DOCK5: variants seen among roughly 807,000 people sequenced by gnomAD.
DOCK5 encodes the protein dedicator of cytokinesis 5.
DOCK5 carries 142 observed loss-of-function variants against 251.8 expected under a neutral mutation model. That is an observed-to-expected ratio of 0.56 (90% CI 0.49 to 0.65). The LOEUF (loss-of-function observed/expected upper bound fraction) is 0.65, where lower values mean the gene tolerates loss of function less well. DOCK5 is among the 30% of genes least tolerant of loss of function. The probability of loss-of-function intolerance (pLI) is 0.00; values close to 1 mark genes in which losing one functional copy is unlikely to be tolerated. For synonymous variants in DOCK5, 842 were observed against 835.5 expected, an observed-to-expected ratio of 1.01 and a Z score of -0.13; for missense variants, 2,111 against 2,312.3, an observed-to-expected ratio of 0.91 and a Z score of 1.79.
chr8:25,204,411 T>G (rs1415810582), intron 1 of DOCK5, among the ~76,000 whole-genome samples: 1 of 152,164 alleles, frequency 6.6e-6, no homozygotes, highest in Non-Finnish European at 1.5e-5. Flanking sequence ...TCTCTTTAGC[T>G]TAGTTTTTCC....
intron 29 of DOCK5, among the ~76,000 whole-genome samples, chr8:25,363,620 A>G (rs987815576): frequency 6.6e-6 from 1 of 152,262 alleles, no homozygotes; most frequent in East Asian, 1.9e-4. Context: ...TTATCAGGAT[A>G]TACTCCTAAA....
At chr8:25,353,766 G>A (rs1487634239) in intron 27 of DOCK5, among the ~76,000 whole-genome samples, 5 of 152,114 alleles carry the variant, frequency 3.3e-5, no homozygotes, top group Non-Finnish European at 1.5e-5. Context: ...GCTCATGCCT[G>A]TAATATCAGC....
intron 42 of DOCK5, among the ~76,000 whole-genome samples, chr8:25,390,579 G>C (rs912946081): frequency 7.2e-5 from 11 of 152,144 alleles, no homozygotes; most frequent in African/African-American, 2.7e-4. Context: ...TAATACAAAG[G>C]GATGTGGGGG....
chr8:25,283,190 G>C (rs913622302), intron 5 of DOCK5, among the ~76,000 whole-genome samples: 1 of 152,140 alleles, frequency 6.6e-6, no homozygotes, highest in African/African-American at 2.4e-5. Flanking sequence ...ATCCAAAATG[G>C]AGAGAACAGA....
chr8:25,184,738 A>G lies in DOCK5; in HGVS notation c.-171A>G, dbSNP rs1297268726. The G allele has an allele frequency of 1.0e-5, 4 of 400,564 alleles. No individual in the cohort carries two copies. Among genetic ancestry groups the G allele is most frequent in the East Asian group, 1.2e-4 (2 of 16,440 alleles). 24.8% of individuals were successfully genotyped at this position (400,564 alleles called of 1,614,324 possible). On this transcript the variant is annotated 5_prime_UTR_variant, in exon 1 of 52. Transcript: ENST00000276440. ...GCAGGTGACCGCGGGCGGCGCGGGC[A>G]CGGGCACGGGCGCGGGCGGCGCGGC...
intron 1 of DOCK5, among the ~76,000 whole-genome samples, chr8:25,198,118 CTT>C (rs1801781171): frequency 6.6e-6 from 1 of 152,210 alleles, no homozygotes; most frequent in Admixed American, 6.5e-5. Flanking sequence ...GAAAATAACT[CTT>C]TGCTGACTCA....
intron 18 of DOCK5, among the ~76,000 whole-genome samples, chr8:25,329,644 C>G (rs1342406442): frequency 6.6e-6 from 1 of 151,986 alleles, no homozygotes; most frequent in East Asian, 1.9e-4. Flanking sequence ...TCCTGATGCC[C>G]CAGAAATCCC....
At chr8:25,403,103 G>A (rs977159480) in intron 47 of DOCK5, among the ~76,000 whole-genome samples, 3 of 152,124 alleles carry the variant, frequency 2.0e-5, no homozygotes, top group African/African-American at 7.2e-5. Flanking sequence ...TAATCCTACT[G>A]GTGACATTTC....
intron 1 of DOCK5, among the ~76,000 whole-genome samples, chr8:25,235,799 CTTTTTTT>C (rs924321586): frequency 3.1e-4 from 40 of 128,598 alleles, no homozygotes; most frequent in African/African-American, 6.8e-4. Context: ...TTTTCTTTTC[CTTTTTTT>C]TTTTTTTTTT....
At chr8:25,195,935 C>T (rs1801714309) in intron 1 of DOCK5, among the ~76,000 whole-genome samples, 1 of 152,206 alleles carries the variant, frequency 6.6e-6, no homozygotes, top group Non-Finnish European at 1.5e-5. Flanking sequence ...ATACTGACCC[C>T]ATCATCTCTT....
intron 14 of DOCK5, among the ~76,000 whole-genome samples, chr8:25,318,078 C>CT (rs985841743): frequency 3.2e-4 from 49 of 151,876 alleles, no homozygotes; most frequent in African/African-American, 1.1e-3. Flanking sequence ...CTTTTCTTTT[C>CT]TTTCTTTTGT....
chr8:25,201,016 T>C (rs9771783), intron 1 of DOCK5, among the ~76,000 whole-genome samples: 130,170 of 151,982 alleles, frequency 0.86, 56,047 homozygotes, highest in Non-Finnish European at 0.87. Context: ...AAACAATTCT[T>C]CTGCCTCAGC....
At chr8:25,301,228 G>C (rs1804751971) in intron 9 of DOCK5, among the ~76,000 whole-genome samples, 1 of 152,196 alleles carries the variant, frequency 6.6e-6, no homozygotes, top group African/African-American at 2.4e-5. Context: ...AGGGGTCTCA[G>C]AGCATATTCA....
chr8:25,194,709 T>C (rs1017947522), intron 1 of DOCK5, among the ~76,000 whole-genome samples: 5 of 152,074 alleles, frequency 3.3e-5, no homozygotes, highest in African/African-American at 1.2e-4. Flanking sequence ...AGAACAGAAG[T>C]TTGGATCCTC....
chr8:25,391,043 A>G (rs1213902740), intron 42 of DOCK5, among the ~76,000 whole-genome samples: 2 of 151,928 alleles, frequency 1.3e-5, no homozygotes, highest in African/African-American at 4.8e-5. Context: ...TCCTGAGCTC[A>G]GGCAATCCGC....
intron 2 of DOCK5, among the ~76,000 whole-genome samples, chr8:25,245,041 T>C (rs1264955907): frequency 6.6e-6 from 1 of 152,162 alleles, no homozygotes; most frequent in Non-Finnish European, 1.5e-5. Context: ...AAACCACAGC[T>C]CTTCCAATCT....
chr8:25,243,107 T>G (rs1033688990), intron 1 of DOCK5, among the ~76,000 whole-genome samples: 1 of 152,206 alleles, frequency 6.6e-6, no homozygotes, highest in Non-Finnish European at 1.5e-5. Flanking sequence ...TCTTTCTTCC[T>G]TCCACTCAAC....
At chr8:25,269,097 A>G (rs150901277) in intron 3 of DOCK5, among the ~76,000 whole-genome samples, 1 of 152,188 alleles carries the variant, frequency 6.6e-6, no homozygotes, top group East Asian at 1.9e-4. Flanking sequence ...CTACCAGCCA[A>G]TTCAAGGAGA....
intron 1 of DOCK5, among the ~76,000 whole-genome samples, chr8:25,214,366 C>T (rs1044595102): frequency 5.3e-5 from 8 of 152,154 alleles, no homozygotes; most frequent in East Asian, 3.9e-4. Context: ...GCCTGGACCC[C>T]GTGTTGGGTG....
Sources: allele counts gnomAD v4.1 joint callset (sites outside exome capture counted in the v4.1 genomes callset), GRCh38; gene constraint gnomAD v4.1.1; transcripts MANE v1.5; gene names NCBI Gene and HGNC (gene_info 2026-07-23, HGNC 2026-07-21).